Variants in SNX29 observed in about 807,000 individuals in gnomAD.
SNX29 encodes the protein sorting nexin 29, also known as sorting nexin-29.
SNX29 carries 78 observed loss-of-function variants against 102.1 expected under a neutral mutation model. The ratio of observed to expected loss-of-function variants is 0.76; its 90% CI spans 0.64 to 0.92. SNX29 has a LOEUF of 0.92. SNX29 is among the 40% of genes least tolerant of loss of function. The pLI, the probability that SNX29 is intolerant of heterozygous loss-of-function variation, is 0.00. For synonymous variants in SNX29, 580 were observed against 414.5 expected, an observed-to-expected ratio of 1.40 and a Z score of -4.85; for missense variants, 1,280 against 1,061.7, an observed-to-expected ratio of 1.21 and a Z score of -2.86.
chr16:12,200,834 C>T (rs543080126), intron 14 of SNX29, among the ~76,000 whole-genome samples: 3 of 152,182 alleles, frequency 2.0e-5, no homozygotes, highest in Non-Finnish European at 4.4e-5. Flanking sequence ...TGCTCACCCA[C>T]GACCACCTGA....
intron 14 of SNX29, among the ~76,000 whole-genome samples, chr16:12,251,224 G>T (rs1226261524): frequency 6.6e-6 from 1 of 152,234 alleles, no homozygotes; most frequent in Non-Finnish European, 1.5e-5. Context: ...CGTGATAATA[G>T]CTCCTGCCTC....
Position 12,568,678 on chromosome 16 carries a change from C to A in SNX29, c.*49C>A. 1.3e-6 allele frequency: 2 copies of A among 1,583,638 alleles called. No homozygotes were observed. The highest frequency in any genetic ancestry group is 8.5e-7 in the Non-Finnish European group (1 of 1,170,706). On this transcript the variant is annotated 3_prime_UTR_variant, in exon 21 of 21. Transcript: ENST00000566228. ...GCCCTGTGCGTGGCACCAGCTGCGTCCACCCCAGCCACTGCCGCTGGCCCC... is the reference window on the plus strand; with the variant it reads ...GCCCTGTGCGTGGCACCAGCTGCGTACACCCCAGCCACTGCCGCTGGCCCC...
intron 11 of SNX29, among the ~76,000 whole-genome samples, chr16:12,115,192 G>GC (rs1278467500): frequency 6.6e-6 from 1 of 152,010 alleles, no homozygotes; most frequent in Non-Finnish European, 1.5e-5. Flanking sequence ...TTTTCCTTCA[G>GC]CCCCCCTCGC....
At chr16:12,329,449 G>A (rs1305921344) in intron 15 of SNX29, among the ~76,000 whole-genome samples, 1 of 152,110 alleles carries the variant, frequency 6.6e-6, no homozygotes, top group East Asian at 1.9e-4. Flanking sequence ...TGTCATCCCA[G>A]CCACTTGCAT....
intron 14 of SNX29, among the ~76,000 whole-genome samples, chr16:12,208,660 A>G (rs916974711): frequency 1.3e-5 from 2 of 152,016 alleles, no homozygotes; most frequent in Admixed American, 6.6e-5. Context: ...TGACGGAGCA[A>G]GAGGTCGTCT....
intron 18 of SNX29, among the ~76,000 whole-genome samples, chr16:12,446,484 T>C (rs1226020252): frequency 1.3e-5 from 2 of 152,146 alleles, no homozygotes; most frequent in Non-Finnish European, 2.9e-5. Flanking sequence ...TCTAATTGAG[T>C]GGGTAATTCA....
chr16:12,003,761 C>G (rs1451744906), intron 3 of SNX29, among the ~76,000 whole-genome samples: 9 of 152,218 alleles, frequency 5.9e-5, no homozygotes, highest in Non-Finnish European at 1.3e-4. Context: ...AATCCCAGCA[C>G]TTTGCAAGGC....
intron 20 of SNX29, among the ~76,000 whole-genome samples, chr16:12,561,876 T>G (rs2078744380): frequency 1.3e-5 from 2 of 152,142 alleles, no homozygotes; most frequent in Admixed American, 1.3e-4. Flanking sequence ...ATGGGCTGTC[T>G]CCTAGGTGAC....
At chr16:12,169,512 C>A (rs373144691) in intron 13 of SNX29, among the ~76,000 whole-genome samples, 2 of 152,018 alleles carry the variant, frequency 1.3e-5, no homozygotes, top group African/African-American at 4.8e-5. Flanking sequence ...GCTTTGTCTT[C>A]GGGCAAGGCA....
intron 14 of SNX29, among the ~76,000 whole-genome samples, chr16:12,220,201 G>C (rs2077439392): frequency 6.6e-6 from 1 of 152,180 alleles, no homozygotes; most frequent in African/African-American, 2.4e-5. Flanking sequence ...TGCAGGTGTG[G>C]CTGGATCCAG....
At chr16:12,412,060 G>T (rs2084417989) in intron 18 of SNX29, among the ~76,000 whole-genome samples, 1 of 152,144 alleles carries the variant, frequency 6.6e-6, no homozygotes, top group African/African-American at 2.4e-5. Flanking sequence ...GGCACCTGGT[G>T]GGGAGACAGG....
intron 3 of SNX29, among the ~76,000 whole-genome samples, chr16:12,010,653 C>T (rs1325912680): frequency 3.9e-5 from 6 of 152,070 alleles, no homozygotes; most frequent in South Asian, 2.1e-4. Context: ...CAAGAAATTG[C>T]TCTTTTTAAT....
chr16:12,529,775 G>C (rs1487458110), intron 20 of SNX29, among the ~76,000 whole-genome samples: 1 of 152,132 alleles, frequency 6.6e-6, no homozygotes, highest in East Asian at 1.9e-4. Flanking sequence ...AGCAGGTTAC[G>C]TTTAGCTCAG....
intron 20 of SNX29, among the ~76,000 whole-genome samples, chr16:12,559,815 C>CCAT (rs528382834): frequency 6.6e-6 from 1 of 152,150 alleles, no homozygotes; most frequent in Non-Finnish European, 1.5e-5. Context: ...CAGGCCATTT[C>CCAT]CATCATCATC....
At chr16:12,557,024 C>T (rs1028530849) in intron 20 of SNX29, among the ~76,000 whole-genome samples, 2 of 27,190 alleles carry the variant, frequency 7.4e-5, no homozygotes, top group African/African-American at 1.2e-4. Flanking sequence ...TACCCCCCCC[C>T]CGCCCCAAGA....
intron 13 of SNX29, among the ~76,000 whole-genome samples, chr16:12,194,873 C>A (rs991350660): frequency 6.6e-6 from 1 of 152,056 alleles, no homozygotes; most frequent in Non-Finnish European, 1.5e-5. Context: ...ATGATCCACT[C>A]ACCTCGGTCT....
At chr16:12,505,151 GT>G (rs2089315048) in intron 19 of SNX29, among the ~76,000 whole-genome samples, 1 of 152,180 alleles carries the variant, frequency 6.6e-6, no homozygotes, top group South Asian at 2.1e-4. Flanking sequence ...TACTGTGAAT[GT>G]TTTTGGGTGG....
intron 18 of SNX29, among the ~76,000 whole-genome samples, chr16:12,409,046 A>G (rs1274400663): frequency 6.6e-6 from 1 of 152,234 alleles, no homozygotes; most frequent in African/African-American, 2.4e-5. Flanking sequence ...GCCACTGAAA[A>G]TAAGAAATGG....
At chr16:12,567,978 C>T (rs573314171) in intron 20 of SNX29, among the ~76,000 whole-genome samples, 2 of 152,270 alleles carry the variant, frequency 1.3e-5, no homozygotes, top group South Asian at 2.1e-4. Context: ...GTGTTATCTT[C>T]CACTGTTCCT....
Sources: allele counts gnomAD v4.1 joint callset (sites outside exome capture counted in the v4.1 genomes callset), GRCh38; gene constraint gnomAD v4.1.1; transcripts MANE v1.5; gene names NCBI Gene and HGNC (gene_info 2026-07-23, HGNC 2026-07-21).